TCF7L2: variants seen among roughly 807,000 people sequenced by gnomAD.
TCF7L2 encodes the protein transcription factor 7 like 2.
TCF7L2 carries 23 observed loss-of-function variants against 77.9 expected under a neutral mutation model. That is an observed-to-expected ratio of 0.30 (90% confidence interval 0.21 to 0.42). The LOEUF (loss-of-function observed/expected upper bound fraction) is 0.42, where lower values mean the gene tolerates loss of function less well. Among genes scored for constraint, TCF7L2 ranks in the 10% least tolerant of loss-of-function variants. The probability of loss-of-function intolerance (pLI) is 1.00; values close to 1 mark genes in which losing one functional copy is unlikely to be tolerated. For missense variants in TCF7L2, 654 were observed against 793.1 expected, an observed-to-expected ratio of 0.82 and a Z score of 2.11; for synonymous variants, 413 against 340.2, an observed-to-expected ratio of 1.21 and a Z score of -2.36.
At chr10:113,153,325 T>C (rs1275020995) in intron 11 of TCF7L2, among the ~76,000 whole-genome samples, 3 of 152,248 alleles carry the variant, frequency 2.0e-5, no homozygotes, top group Non-Finnish European at 4.4e-5. Context: ...TTTTGCCTGA[T>C]ACTTTATTTC....
At chr10:113,034,237 AT>A (rs1392026700) in intron 4 of TCF7L2, among the ~76,000 whole-genome samples, 3 of 152,078 alleles carry the variant, frequency 2.0e-5, no homozygotes, top group Non-Finnish European at 4.4e-5. Context: ...CTATTTTCTT[AT>A]TTTGCACATT....
chr10:113,091,795 C>T (rs919625370), intron 5 of TCF7L2, among the ~76,000 whole-genome samples: 4 of 152,166 alleles, frequency 2.6e-5, no homozygotes, highest in African/African-American at 4.8e-5. Flanking sequence ...TCTTGGGCCA[C>T]GCCTATGTCT....
intron 5 of TCF7L2, among the ~76,000 whole-genome samples, chr10:113,103,608 T>A (rs2061919562): frequency 6.6e-6 from 1 of 152,186 alleles, no homozygotes; most frequent in Non-Finnish European, 1.5e-5. Context: ...TTGCCTGCAT[T>A]GAGAATCAAA....
intron 4 of TCF7L2, among the ~76,000 whole-genome samples, chr10:112,969,451 C>T (rs898356975): frequency 1.3e-5 from 2 of 152,310 alleles, no homozygotes; most frequent in South Asian, 2.1e-4. Flanking sequence ...GTAACATTCT[C>T]CCACACATCT....
At chr10:113,078,093 T>C (rs2058920308) in intron 5 of TCF7L2, among the ~76,000 whole-genome samples, 1 of 151,438 alleles carries the variant, frequency 6.6e-6, no homozygotes, top group Non-Finnish European at 1.5e-5. Context: ...TCCCATATTT[T>C]GTTGACCCAT....
intron 5 of TCF7L2, among the ~76,000 whole-genome samples, chr10:113,100,892 A>G (rs543633583): frequency 2.6e-5 from 4 of 152,204 alleles, no homozygotes; most frequent in East Asian, 3.9e-4. Context: ...CCTGACCAAC[A>G]TGGAGAAACC....
At chr10:113,081,055 A>C (rs982326548) in intron 5 of TCF7L2, among the ~76,000 whole-genome samples, 9 of 152,190 alleles carry the variant, frequency 5.9e-5, no homozygotes, top group African/African-American at 2.2e-4. Flanking sequence ...GCTGTTTACC[A>C]ACACTGCTTT....
chr10:112,973,507 A>T (rs1396438219), intron 4 of TCF7L2, among the ~76,000 whole-genome samples: 1 of 152,098 alleles, frequency 6.6e-6, no homozygotes, highest in East Asian at 1.9e-4. Flanking sequence ...ATCTGCTACC[A>T]CTTCCCCACA....
rs1325371664 is a variant in TCF7L2 at position 113,165,827 on chromosome 10, C to A, written c.1664C>A (p.Ala555Asp). 18 of 1,606,534 alleles carry A rather than the reference C, an allele frequency of 1.1e-5. No individual in the cohort carries two copies. The highest frequency in any genetic ancestry group is 1.5e-5 in the Non-Finnish European group (18 of 1,175,578). Residue 555 changes from alanine to aspartate, a missense_variant, in exon 14 of 14, where the codon GCC becomes GAC. Ala to Asp is a moderately radical substitution (Grantham distance 126, BLOSUM62 -2). This residue lies in a region of TCF7L2 where 272 missense variants were observed against 215.4 expected (regional missense o/e 1.26). Coordinates refer to ENST00000627217, the MANE Select transcript of TCF7L2 (RefSeq NM_001146274.2). The stretch of plus-strand genomic sequence containing the variant: ...GCCTCCGCCCTCTGTCCCAACGGGG[C>A]CCTGGACCTGCCCCCAGCCGCTTTG...
At chr10:113,073,979 T>C (rs778754001) in intron 5 of TCF7L2, among the ~76,000 whole-genome samples, 4 of 152,098 alleles carry the variant, frequency 2.6e-5, no homozygotes, top group Non-Finnish European at 4.4e-5. Context: ...GGGTCTGGGG[T>C]TTGTCCATTC....
chr10:113,093,575 T>C (rs2060621394), intron 5 of TCF7L2, among the ~76,000 whole-genome samples: 1 of 152,256 alleles, frequency 6.6e-6, no homozygotes, highest in African/African-American at 2.4e-5. Flanking sequence ...TCTTTCCATG[T>C]AATTCAGCCA....
At chr10:113,116,388 G>T (rs2063738956) in intron 5 of TCF7L2, among the ~76,000 whole-genome samples, 1 of 152,150 alleles carries the variant, frequency 6.6e-6, no homozygotes, top group South Asian at 2.1e-4. Flanking sequence ...ATCTAAATTA[G>T]ACCTAATTAA....
rs2074059152 is a variant in TCF7L2, at chr10:113,166,754, C to T, written c.*782C>T. ...AGCATAAGCATCTTATATATAACAA[C>T]TCATTTGTACAAGGTTTTTAAGTTT... On this transcript the variant is annotated 3_prime_UTR_variant, in exon 14 of 14. Coordinates refer to ENST00000627217, the MANE Select transcript of TCF7L2 (RefSeq NM_001146274.2). The T allele has an allele frequency of 4.4e-6, 1 of 228,284 alleles. No homozygotes were observed. Among genetic ancestry groups the T allele is most frequent in the African/African-American group, 2.2e-5 (1 of 45,030 alleles). 14.1% of individuals were successfully genotyped at this position (228,284 alleles called of 1,614,324 possible).
chr10:113,015,653 T>A (rs147718095), intron 4 of TCF7L2, among the ~76,000 whole-genome samples: 1,901 of 151,682 alleles, frequency 0.013, 36 homozygotes, highest in African/African-American at 0.043. Context: ...TTAAAAAAAA[T>A]TTTTTTTTGT....
chr10:113,094,834 G>C (rs552410812), intron 5 of TCF7L2, among the ~76,000 whole-genome samples: 1 of 152,248 alleles, frequency 6.6e-6, no homozygotes, highest in South Asian at 2.1e-4. Flanking sequence ...AAGTTCCGCT[G>C]TTGGCCGGGC....
intron 5 of TCF7L2, among the ~76,000 whole-genome samples, chr10:113,041,934 CTT>C (rs1378636626): frequency 1.3e-5 from 2 of 152,156 alleles, no homozygotes; most frequent in Non-Finnish European, 2.9e-5. Flanking sequence ...TGTTCTCTCT[CTT>C]TGAGTGAGGA....
At chr10:113,071,037 C>A (rs941843500) in intron 5 of TCF7L2, among the ~76,000 whole-genome samples, 2 of 152,092 alleles carry the variant, frequency 1.3e-5, no homozygotes, top group Admixed American at 6.5e-5. Flanking sequence ...AAATCATAGG[C>A]CCGTGGTCTT....
intron 4 of TCF7L2, among the ~76,000 whole-genome samples, chr10:112,997,197 C>CCA (rs2043634120): frequency 6.6e-6 from 1 of 152,180 alleles, no homozygotes; most frequent in African/African-American, 2.4e-5. Flanking sequence ...GGTTCAAATA[C>CCA]CACAGCTGGT....
rs533456198 is a variant in TCF7L2 at position 113,148,838 on chromosome 10, G to C, written c.876-2160G>C. ...ACATTTTTCAGATATGGGAATATAC[G>C]CGTAGGTATGGGAACTTAGAAATGT... On this transcript the variant is annotated intron_variant, in intron 8 of 13. Coordinates refer to ENST00000627217, the MANE Select transcript of TCF7L2 (RefSeq NM_001146274.2). 2.0e-5 allele frequency among the ~76,000 whole-genome samples: 3 copies of C among 152,118 alleles called. No homozygotes were observed. In the East Asian group the frequency reaches 5.8e-4, roughly 29 times the overall value.
Sources: allele counts gnomAD v4.1 joint callset (sites outside exome capture counted in the v4.1 genomes callset), GRCh38; gene constraint gnomAD v4.1.1; regional missense constraint gnomAD v4.1.1; transcripts MANE v1.5; gene names NCBI Gene and HGNC (gene_info 2026-07-23, HGNC 2026-07-21).